The following MOCS1 variants were observed in gnomAD, a reference collection of about 807,000 sequenced individuals.
The protein encoded by MOCS1 is molybdenum cofactor biosynthesis protein 1.
Under a neutral mutation model 57.6 loss-of-function variants are expected in MOCS1, and 39 were observed. That is an observed-to-expected ratio of 0.68 (90% CI 0.52 to 0.88). The LOEUF (loss-of-function observed/expected upper bound fraction) is 0.88. Ranked by LOEUF, MOCS1 falls within the 40% of genes least tolerant of loss-of-function variation. The pLI, the probability that MOCS1 is intolerant of heterozygous loss-of-function variation, is 0.00. For missense variants in MOCS1, 795 were observed against 831.1 expected, an observed-to-expected ratio of 0.96 and a Z score of 0.53; for synonymous variants, 334 against 335.7, an observed-to-expected ratio of 1.00 and a Z score of 0.05.
rs1396357570 is a variant in MOCS1 at position 39,934,340 on chromosome 6, C to T, written c.78G>A (p.Pro26=). ...SSARSCSSGA[P]VTQPCPGESA... ...ACTCCCCGGGGCAGGGCTGGGTCAC[C>T]GGAGCCCCTGAGCTGCAGCTCCGGG... The change falls in exon 1 of 11, where the codon CCG becomes CCA. Residue 26 remains proline (P), a synonymous_variant. Transcript: ENST00000340692. The T allele has an allele frequency of 1.9e-6, 3 of 1,552,448 alleles. No individual in the cohort carries two copies. Among genetic ancestry groups the T allele is most frequent in the East Asian group, 4.8e-5 (2 of 41,808 alleles).
Position 39,934,437 on chromosome 6 carries a change from ACCGCAGC to A in MOCS1, c.-27_-21del. The A allele has an allele frequency of 6.5e-7, 1 of 1,542,008 alleles. No individual in the cohort carries two copies. Among genetic ancestry groups the A allele is most frequent in the Non-Finnish European group, 8.7e-7 (1 of 1,148,696 alleles). The stretch of plus-strand genomic sequence containing the variant: ...CGCCATGAAGCCTGATACGAGCGGA[ACCGCAGC>A]CCGCTTCGGGAGCACACTGGCCGGG... On this transcript the variant is annotated 5_prime_UTR_variant, in exon 1 of 11. Transcript: ENST00000340692.
intron 3 of MOCS1, among the ~76,000 whole-genome samples, chr6:39,921,798 G>T (rs1044653738): frequency 6.6e-6 from 1 of 152,124 alleles, no homozygotes; most frequent in African/African-American, 2.4e-5. Context: ...TTTTTTTTAC[G>T]TTCAGGGGTA....
At chr6:39,933,775 A>G (rs1456457662) in intron 1 of MOCS1, among the ~76,000 whole-genome samples, 1 of 152,118 alleles carries the variant, frequency 6.6e-6, no homozygotes, top group Non-Finnish European at 1.5e-5. Flanking sequence ...TCCCAAGGTT[A>G]ATAAAAAAGA....
At chr6:39,926,488 G>A (rs984614182) in intron 2 of MOCS1, among the ~76,000 whole-genome samples, 3 of 151,346 alleles carry the variant, frequency 2.0e-5, no homozygotes, top group African/African-American at 7.3e-5. Flanking sequence ...ACTTCCTGTG[G>A]TGCAGTTTCA....
Position 39,934,289 on chromosome 6 carries a change from G to C in MOCS1, c.123+6C>G, listed in dbSNP as rs1315567427. The C allele has an allele frequency of 3.9e-6, 6 of 1,538,924 alleles. No homozygotes were observed. The Admixed American group carries it at 5.7e-5, about 15-fold the overall frequency. ...GAAGCTGTGGACGCAGGCGGGGTGG[G>C]CTCACCTCCGAGGCAGCTCGCGCGG... On this transcript the variant is annotated splice_donor_region_variant and intron_variant, in intron 1 of 10. Coordinates refer to ENST00000340692, the MANE Select transcript of MOCS1 (RefSeq NM_001358530.2).
intron 1 of MOCS1, among the ~76,000 whole-genome samples, chr6:39,927,979 G>A (rs970704636): frequency 1.3e-5 from 2 of 152,192 alleles, no homozygotes; most frequent in Middle Eastern, 3.4e-3. Context: ...CCTGGGTCCC[G>A]ACAGATGCTG....
At chr6:39,909,339 G>A (rs1172415781) in intron 9 of MOCS1, among the ~76,000 whole-genome samples, 4 of 146,552 alleles carry the variant, frequency 2.7e-5, no homozygotes, top group African/African-American at 7.6e-5. Flanking sequence ...AGAGGGAGAG[G>A]AAAGCAGGGG....
chr6:39,916,366 G>C, intron 3 of MOCS1, 134 bp from the exon 4 acceptor site: 1 of 1,042,816 alleles, frequency 9.6e-7, no homozygotes, highest in Non-Finnish European at 1.4e-6. Flanking sequence ...ATATTAACCA[G>C]GCCTAACTTA....
Position 39,906,511 on chromosome 6 carries a change from G to A in MOCS1, c.1757C>T (p.Pro586Leu), listed in dbSNP as rs1582798862. The change falls in exon 11 of 11, where the codon CCC (proline) becomes CTC (leucine). Residue 586 changes from proline (P) to leucine (L), a missense_variant. Physicochemically the swap from Pro to Leu is moderately conservative, Grantham distance 98 (BLOSUM62 -3). Transcript: ENST00000340692. Reference protein sequence around the residue: ...KIQASCRARGPTGVEMEALTS... With the variant: ...KIQASCRARGLTGVEMEALTS... The stretch of plus-strand genomic sequence containing the variant: ...CAGGGCCTCCATCTCCACCCCGGTG[G>A]GGCCCCGAGCCCGGCAAGATGCCTG... 7 of 1,614,032 alleles carry A rather than the reference G, an allele frequency of 4.3e-6. No individual in the cohort carries two copies. The highest frequency in any genetic ancestry group is 5.9e-6 in the Non-Finnish European group (7 of 1,180,042).
intron 1 of MOCS1, chr6:39,927,723 G>A (rs761631808): frequency 6.5e-7 from 1 of 1,527,714 alleles, no homozygotes; most frequent in Non-Finnish European, 8.7e-7. Context: ...TGGCTGGGCA[G>A]CAAGGTGGAG....
In MOCS1 at chr6:39,905,005, C is replaced by CTGGT. The variant is rs397953334; in HGVS notation, c.*1348_*1351dup. The CTGGT allele has an allele frequency of 0.026, 12,010 of 454,024 alleles. 392 individuals carry two copies. Among genetic ancestry groups the CTGGT allele is most frequent in the African/African-American group, 0.11 (5,542 of 50,040 alleles). 28.1% of individuals were successfully genotyped at this position (454,024 alleles called of 1,614,324 possible). A position where few individuals can be genotyped will look rare whatever the true frequency, so the allele number is the denominator to read the frequency against. On this transcript the variant is annotated 3_prime_UTR_variant, in exon 11 of 11. Transcript: ENST00000340692. ...GAAATTTTGCAAGCCATTTGACATACTGGTAGCTTGAAATTATTCAACATG... is the reference window on the plus strand; with the variant it reads ...GAAATTTTGCAAGCCATTTGACATACTGGTTGGTAGCTTGAAATTATTCAACATG...
At chr6:39,909,175 G>A in intron 9 of MOCS1, 73 bp from the exon 10 acceptor site, 1 of 548,826 alleles carries the variant, frequency 1.8e-6, no homozygotes, top group Non-Finnish European at 3.4e-6. Flanking sequence ...CAGGGGAGGG[G>A]GAGAGGGAGA....
chr6:39,909,805 C>T (rs1296318064), intron 9 of MOCS1, 30 bp downstream of exon 9: 1 of 1,610,438 alleles, frequency 6.2e-7, no homozygotes, highest in Non-Finnish European at 8.5e-7. Flanking sequence ...CACTCACCAT[C>T]CAGGCCAGCC....
At chr6:39,931,480 C>T (rs1025665369) in intron 1 of MOCS1, among the ~76,000 whole-genome samples, 1 of 152,160 alleles carries the variant, frequency 6.6e-6, no homozygotes, top group African/African-American at 2.4e-5. Context: ...GAGGACCCAA[C>T]AAAGAGCCTA....
chr6:39,932,495 C>T (rs955700717), intron 1 of MOCS1: 1 of 152,250 alleles, frequency 6.6e-6, no homozygotes, highest in African/African-American at 2.4e-5. Context: ...TGCCACGTGA[C>T]TCCTCACTAG....
chr6:39,931,363 G>A (rs1331861959), intron 1 of MOCS1, among the ~76,000 whole-genome samples: 2 of 149,268 alleles, frequency 1.3e-5, no homozygotes, highest in Non-Finnish European at 3.0e-5. Flanking sequence ...AGGGTTATTC[G>A]AGAGGAAAAA....
chr6:39,933,313 C>T (rs1433051750), intron 1 of MOCS1, among the ~76,000 whole-genome samples: 1 of 152,188 alleles, frequency 6.6e-6, no homozygotes, highest in African/African-American at 2.4e-5. Flanking sequence ...GCTTTCCTAT[C>T]TCTTCCTCAA....
rs1234637011 is a variant in MOCS1, at chr6:39,906,562, T to G, written c.1706A>C (p.Asp569Ala). 3 of 1,613,802 alleles carry G rather than the reference T, an allele frequency of 1.9e-6. No homozygotes were observed. Among genetic ancestry groups the G allele is most frequent in the Non-Finnish European group, 2.5e-6 (3 of 1,180,030 alleles). The change falls in exon 11 of 11, where the codon GAC (aspartate) becomes GCC (alanine). Residue 569 changes from aspartate (D) to alanine (A), a missense_variant. By Grantham distance (126) the Asp-to-Ala change is moderately radical. Coordinates refer to ENST00000340692, the MANE Select transcript of MOCS1 (RefSeq NM_001358530.2). ...LSHIQVQLEL[D>A]STRHAVKIQA... Reference sequence around the variant, plus strand: ...GATCTTCACGGCATGGCGTGTGCTGTCCAGCTCCAGCTGCACCTGGATGTG... The same window carrying G: ...GATCTTCACGGCATGGCGTGTGCTGGCCAGCTCCAGCTGCACCTGGATGTG...
rs541278391 is a variant in MOCS1, at chr6:39,906,544, A to G, written c.1724T>C (p.Val575Ala). Residue 575 changes from valine to alanine, a missense_variant, in exon 11 of 11, where the codon GTG becomes GCG. By Grantham distance (64) the Val-to-Ala change is moderately conservative. Transcript: ENST00000340692. Reference sequence around the variant, plus strand: ...AGCCCGGCAAGATGCCTGGATCTTCACGGCATGGCGTGTGCTGTCCAGCTC... The same window carrying G: ...AGCCCGGCAAGATGCCTGGATCTTCGCGGCATGGCGTGTGCTGTCCAGCTC... Reference protein sequence around the residue: ...QLELDSTRHAVKIQASCRARG... With the variant: ...QLELDSTRHAAKIQASCRARG... The G allele has an allele frequency of 6.2e-7, 1 of 1,613,832 alleles. No homozygotes were observed. The highest frequency in any genetic ancestry group is 1.3e-5 in the African/African-American group (1 of 75,062).
Sources: allele counts gnomAD v4.1 joint callset (sites outside exome capture counted in the v4.1 genomes callset), GRCh38; gene constraint gnomAD v4.1.1; transcripts MANE v1.5; gene names NCBI Gene and HGNC (gene_info 2026-07-23, HGNC 2026-07-21).